Variants in GALNT17 observed in about 807,000 individuals in gnomAD.
The protein encoded by GALNT17 is polypeptide N-acetylgalactosaminyltransferase 17.
A neutral mutation model predicts 63.7 loss-of-function variants in GALNT17; 29 were observed. The ratio of observed to expected loss-of-function variants is 0.46; its 90% CI spans 0.34 to 0.62. GALNT17 has a LOEUF of 0.62. GALNT17 is among the 20% of genes least tolerant of loss of function. The probability of loss-of-function intolerance (pLI) is 0.01; values close to 1 mark genes in which losing one functional copy is unlikely to be tolerated. For missense variants in GALNT17, 603 were observed against 799.6 expected (o/e 0.75, Z 2.97); for synonymous variants, 305 against 318.3 (o/e 0.96, Z 0.45).
intron 3 of GALNT17, among the ~76,000 whole-genome samples, chr7:71,398,471 G>A (rs1793180009): frequency 6.6e-6 from 1 of 151,266 alleles, no homozygotes; most frequent in Admixed American, 6.6e-5. Context: ...CTTTTTTATT[G>A]GAAGCAATAT....
At chr7:71,670,979 A>G (rs1003445759) in intron 8 of GALNT17, among the ~76,000 whole-genome samples, 27 of 151,956 alleles carry the variant, frequency 1.8e-4, no homozygotes, top group Admixed American at 1.6e-3. Flanking sequence ...AAACCATTCC[A>G]TTCACAATGC....
chr7:71,256,223 C>A (rs1562951517), intron 1 of GALNT17, among the ~76,000 whole-genome samples: 1 of 152,186 alleles, frequency 6.6e-6, no homozygotes, highest in Non-Finnish European at 1.5e-5. Context: ...CAGATCCAAC[C>A]AGTGCACAGC....
At chr7:71,180,533 G>T (rs766529583) in intron 1 of GALNT17, among the ~76,000 whole-genome samples, 1 of 152,176 alleles carries the variant, frequency 6.6e-6, no homozygotes, top group Non-Finnish European at 1.5e-5. Flanking sequence ...GCTCTCAAAT[G>T]CAGTCTCTCA....
chr7:71,576,616 G>A lies in GALNT17; in HGVS notation c.1080+5214G>A, dbSNP rs969461798. On this transcript the variant is annotated intron_variant, in intron 6 of 10. Coordinates refer to ENST00000333538, the MANE Select transcript of GALNT17 (RefSeq NM_022479.3). ...GACAGAGTCTTGCTCTGTTGCCCAG[G>A]CTGGAGTGCAATGGCACGATCTCAG... Among the ~76,000 whole-genome samples, 3 of 151,514 alleles carry A rather than the reference G, an allele frequency of 2.0e-5. No homozygotes were observed. The East Asian group carries it at 5.9e-4, about 30-fold the overall frequency.
At chr7:71,293,663 A>T (rs1486443827) in intron 1 of GALNT17, among the ~76,000 whole-genome samples, 1 of 152,142 alleles carries the variant, frequency 6.6e-6, no homozygotes, top group East Asian at 1.9e-4. Context: ...TTGTCTGAGG[A>T]GGACTTAATC....
intron 2 of GALNT17, among the ~76,000 whole-genome samples, chr7:71,361,404 A>G (rs1310545568): frequency 6.6e-6 from 1 of 152,196 alleles, no homozygotes; most frequent in Non-Finnish European, 1.5e-5. Flanking sequence ...CATTTCTATT[A>G]TCTGAGACCG....
Position 71,155,056 on chromosome 7 carries a change from C to G in GALNT17, c.238+22016C>G, listed in dbSNP as rs1055480906. Reference sequence around the variant, plus strand: ...TAGGTTGGCTAAGAATTTCAGTTGTCTTTCATTCAAGTTTCTGACAGTTGT... The same window carrying G: ...TAGGTTGGCTAAGAATTTCAGTTGTGTTTCATTCAAGTTTCTGACAGTTGT... On this transcript the variant is annotated intron_variant, in intron 1 of 10. Coordinates refer to ENST00000333538, the MANE Select transcript of GALNT17 (RefSeq NM_022479.3). Among the ~76,000 whole-genome samples, 14 of 151,728 alleles carry G rather than the reference C, an allele frequency of 9.2e-5. 1 individual carries two copies. The highest frequency in any genetic ancestry group is 3.2e-4 in the African/African-American group (13 of 41,042).
chr7:71,401,595 G>T (rs1255553195), intron 3 of GALNT17, among the ~76,000 whole-genome samples: 1 of 152,116 alleles, frequency 6.6e-6, no homozygotes, highest in Non-Finnish European at 1.5e-5. Flanking sequence ...ACTCCCCATT[G>T]CTCGCGTTAC....
intron 1 of GALNT17, among the ~76,000 whole-genome samples, chr7:71,155,976 C>A (rs1788227950): frequency 6.6e-6 from 1 of 151,866 alleles, no homozygotes; most frequent in Non-Finnish European, 1.5e-5. Flanking sequence ...GCAGGCAGAT[C>A]ACCTGAAGTT....
intron 6 of GALNT17, among the ~76,000 whole-genome samples, chr7:71,627,018 C>T (rs954165327): frequency 4.6e-5 from 7 of 152,180 alleles, no homozygotes; most frequent in African/African-American, 1.4e-4. Context: ...GGTAAAGGAA[C>T]ATGAATTAAG....
intron 1 of GALNT17, among the ~76,000 whole-genome samples, chr7:71,277,263 C>T (rs2867407): frequency 0.28 from 42,103 of 152,016 alleles, 6,009 homozygotes; most frequent in Middle Eastern, 0.35. Flanking sequence ...TGCATGTTCT[C>T]ACTTACAAGT....
At chr7:71,413,553 T>TC (rs1793468834) in intron 3 of GALNT17, among the ~76,000 whole-genome samples, 1 of 151,188 alleles carries the variant, frequency 6.6e-6, no homozygotes, top group African/African-American at 2.4e-5. Context: ...ATTTTTTTTT[T>TC]AGAAGAGACA....
At chr7:71,673,167 C>T (rs1030668470) in intron 8 of GALNT17, among the ~76,000 whole-genome samples, 11 of 152,120 alleles carry the variant, frequency 7.2e-5, no homozygotes, top group African/African-American at 2.4e-4. Flanking sequence ...TTGATAATGA[C>T]AGTCATAGTT....
chr7:71,387,990 G>A (rs1157975243), intron 2 of GALNT17, among the ~76,000 whole-genome samples: 5 of 152,122 alleles, frequency 3.3e-5, no homozygotes, highest in South Asian at 4.1e-4. Context: ...CTATCACAGA[G>A]CTAACATTCT....
At chr7:71,445,234 A>G (rs1230243839) in intron 5 of GALNT17, among the ~76,000 whole-genome samples, 2 of 143,066 alleles carry the variant, frequency 1.4e-5, no homozygotes, top group Non-Finnish European at 3.0e-5. Context: ...GCTGGAGTGC[A>G]GTGGCACAAT....
chr7:71,666,141 T>G (rs1327394351), intron 7 of GALNT17, among the ~76,000 whole-genome samples: 1 of 152,038 alleles, frequency 6.6e-6, no homozygotes, highest in Non-Finnish European at 1.5e-5. Context: ...CATTTATGAG[T>G]CAGGAGATCT....
chr7:71,575,828 A>C (rs1252972014), intron 6 of GALNT17, among the ~76,000 whole-genome samples: 1 of 152,198 alleles, frequency 6.6e-6, no homozygotes, highest in Non-Finnish European at 1.5e-5. Flanking sequence ...TACTGTGAAC[A>C]AAAATAGCAG....
chr7:71,139,824 C>G (rs1244854147), intron 1 of GALNT17, among the ~76,000 whole-genome samples: 1 of 152,064 alleles, frequency 6.6e-6, no homozygotes, highest in African/African-American at 2.4e-5. Context: ...GAAACCCCGT[C>G]TCTACTAAAA....
chr7:71,137,790 G>A (rs146044511), intron 1 of GALNT17, among the ~76,000 whole-genome samples: 15 of 152,282 alleles, frequency 9.9e-5, no homozygotes, highest in African/African-American at 3.4e-4. Flanking sequence ...GCGTGTTTTC[G>A]TTAAATGTAT....
Sources: allele counts gnomAD v4.1 joint callset (sites outside exome capture counted in the v4.1 genomes callset), GRCh38; gene constraint gnomAD v4.1.1; transcripts MANE v1.5; gene names NCBI Gene and HGNC (gene_info 2026-07-23, HGNC 2026-07-21).